Variants in LRP1B observed in about 807,000 individuals in gnomAD.
LRP1B encodes LDL receptor related protein 1B, also known as low-density lipoprotein receptor-related protein 1B.
Under a neutral mutation model 556.6 loss-of-function variants are expected in LRP1B, and 217 were observed. That is an observed-to-expected ratio of 0.39 (90% CI 0.35 to 0.44). The LOEUF is 0.44. LRP1B is among the 20% of genes least tolerant of loss of function. The probability of loss-of-function intolerance (pLI) is 1.00; values close to 1 mark genes in which losing one functional copy is unlikely to be tolerated. For missense variants in LRP1B, 5,053 were observed against 5,620.8 expected, an observed-to-expected ratio of 0.90 and a Z score of 3.23; for synonymous variants, 2,047 against 1,865.8, an observed-to-expected ratio of 1.10 and a Z score of -2.50.
chr2:141,447,377 G>T (rs1341355734), intron 3 of LRP1B, among the ~76,000 whole-genome samples: 1 of 151,708 alleles, frequency 6.6e-6, no homozygotes, highest in Non-Finnish European at 1.5e-5. Context: ...TAGCTTGGAG[G>T]AGTTTGTTAC....
intron 2 of LRP1B, among the ~76,000 whole-genome samples, chr2:141,544,360 TC>T (rs1294460064): frequency 4.9e-3 from 515 of 104,322 alleles, no homozygotes; most frequent in African/African-American, 0.01. Flanking sequence ...TTCTTCTTCT[TC>T]TTCTTCTTCT....
intron 41 of LRP1B, among the ~76,000 whole-genome samples, chr2:140,647,498 G>C (rs776206892): frequency 1.3e-5 from 2 of 152,024 alleles, no homozygotes; most frequent in South Asian, 4.1e-4. Flanking sequence ...GAGTGAAGAC[G>C]GTGTTATTAA....
chr2:141,788,349 A>G (rs1476386148), intron 2 of LRP1B, among the ~76,000 whole-genome samples: 1 of 151,930 alleles, frequency 6.6e-6, no homozygotes, highest in African/African-American at 2.4e-5. Flanking sequence ...AGAGTCCCAT[A>G]AACTGGATTG....
At chr2:140,826,337 G>C (rs192938093) in intron 31 of LRP1B, among the ~76,000 whole-genome samples, 125 of 152,256 alleles carry the variant, frequency 8.2e-4, no homozygotes, top group African/African-American at 2.9e-3. Flanking sequence ...TTTTCTCTGA[G>C]TGCTCTGGTT....
At chr2:140,703,225 C>T (rs780951122) in intron 37 of LRP1B, among the ~76,000 whole-genome samples, 1 of 151,922 alleles carries the variant, frequency 6.6e-6, no homozygotes, top group Non-Finnish European at 1.5e-5. Context: ...CGGTTTTATG[C>T]AAAAGCAGAA....
intron 35 of LRP1B, among the ~76,000 whole-genome samples, chr2:140,727,482 A>G (rs1687634430): frequency 6.6e-6 from 1 of 152,186 alleles, no homozygotes; most frequent in Admixed American, 6.5e-5. Context: ...ATTGAGACGA[A>G]AGCAAGGTCA....
intron 81 of LRP1B, among the ~76,000 whole-genome samples, chr2:140,322,661 G>T (rs552402339): frequency 6.6e-6 from 1 of 152,106 alleles, no homozygotes; most frequent in Non-Finnish European, 1.5e-5. Flanking sequence ...TTGTGTGCAT[G>T]TCTAAATGTG....
intron 2 of LRP1B, among the ~76,000 whole-genome samples, chr2:141,572,444 A>G (rs1686563687): frequency 6.6e-6 from 1 of 152,164 alleles, no homozygotes; most frequent in Non-Finnish European, 1.5e-5. Flanking sequence ...TAAATATGGA[A>G]AGGAAAATCT....
chr2:140,246,999 G>T (rs1161323152), intron 87 of LRP1B, 87 bp downstream of exon 87: 3 of 946,546 alleles, frequency 3.2e-6, no homozygotes, highest in African/African-American at 1.6e-5. Flanking sequence ...TGAAGAAAGT[G>T]TTCTAAGACT....
intron 1 of LRP1B, among the ~76,000 whole-genome samples, chr2:141,945,513 T>C (rs1700927196): frequency 2.0e-5 from 3 of 149,248 alleles, no homozygotes; most frequent in Admixed American, 6.8e-5. Context: ...TTCATTTCAG[T>C]TTATATTGTA....
intron 3 of LRP1B, among the ~76,000 whole-genome samples, chr2:141,283,878 G>A (rs1685604134): frequency 6.6e-6 from 1 of 151,820 alleles, no homozygotes; most frequent in South Asian, 2.1e-4. Context: ...AATAATATAG[G>A]TATTTTATAA....
chr2:142,033,504 C>T (rs1254507976), intron 1 of LRP1B, among the ~76,000 whole-genome samples: 1 of 151,736 alleles, frequency 6.6e-6, no homozygotes, highest in Admixed American at 6.6e-5. Flanking sequence ...CACCCTCCCA[C>T]ACTTCCTCTT....
intron 11 of LRP1B, among the ~76,000 whole-genome samples, chr2:141,045,089 C>T (rs971369981): frequency 3.4e-5 from 5 of 145,338 alleles, no homozygotes; most frequent in African/African-American, 1.3e-4. Flanking sequence ...ACTATGCAGC[C>T]ATAAAAAATG....
chr2:142,085,692 T>C (rs1031086395), intron 1 of LRP1B, among the ~76,000 whole-genome samples: 28 of 152,364 alleles, frequency 1.8e-4, no homozygotes, highest in Non-Finnish European at 3.5e-4. Context: ...AGTTTGCCTA[T>C]ATGCTTTGAG....
chr2:140,984,507 G>A (rs1211603678), intron 17 of LRP1B, among the ~76,000 whole-genome samples: 3 of 151,950 alleles, frequency 2.0e-5, no homozygotes. Context: ...TTATGTCACT[G>A]TATTCTTGCC....
chr2:140,410,534 C>A (rs35567126), intron 66 of LRP1B, among the ~76,000 whole-genome samples: 14,101 of 151,828 alleles, frequency 0.093, 802 homozygotes, highest in Middle Eastern at 0.14. Flanking sequence ...AGAGACAGCA[C>A]GCTATGAAAG....
chr2:141,738,590 C>A (rs1274116781), intron 2 of LRP1B, among the ~76,000 whole-genome samples: 1 of 152,120 alleles, frequency 6.6e-6, no homozygotes, highest in African/African-American at 2.4e-5. Context: ...AGAATTGACA[C>A]AAATTCATGA....
intron 1 of LRP1B, among the ~76,000 whole-genome samples, chr2:142,066,681 T>C (rs544761259): frequency 6.6e-6 from 1 of 151,690 alleles, no homozygotes; most frequent in South Asian, 2.1e-4. Flanking sequence ...TTTCTACTAA[T>C]AGTCTGTTCA....
chr2:142,107,147 C>A (rs1353287516), intron 1 of LRP1B, among the ~76,000 whole-genome samples: 2 of 151,988 alleles, frequency 1.3e-5, no homozygotes, highest in Non-Finnish European at 2.9e-5. Flanking sequence ...AAAACAAGTT[C>A]TATTTATTAC....
Sources: allele counts gnomAD v4.1 joint callset (sites outside exome capture counted in the v4.1 genomes callset), GRCh38; gene constraint gnomAD v4.1.1; transcripts MANE v1.5; gene names NCBI Gene and HGNC (gene_info 2026-07-23, HGNC 2026-07-21).